HS6ST2: variants seen among roughly 807,000 people sequenced by gnomAD.
HS6ST2 encodes the protein heparan-sulfate 6-O-sulfotransferase 2.
HS6ST2 carries 17 observed loss-of-function variants against 33.0 expected under a neutral mutation model. That is an observed-to-expected ratio of 0.52 (90% CI 0.35 to 0.77). HS6ST2 has a LOEUF of 0.77. Among genes scored for constraint, HS6ST2 ranks in the 30% least tolerant of loss-of-function variants. The pLI is 0.01. For synonymous variants in HS6ST2, 248 were observed against 237.1 expected (o/e 1.05, Z -0.42); for missense variants, 519 against 551.7 (o/e 0.94, Z 0.59).
At chrX:132,862,338 C>CA (rs1251482560) in intron 2 of HS6ST2, among the ~76,000 whole-genome samples, 1 of 111,501 alleles carries the variant, frequency 9.0e-6, no homozygotes, top group Admixed American at 9.6e-5. Context: ...TGCAAATGTA[C>CA]CAGAGGTGTT....
chrX:132,790,871 G>A (rs1302694029), intron 2 of HS6ST2, among the ~76,000 whole-genome samples: 13 of 112,052 alleles, frequency 1.2e-4, no homozygotes. Context: ...GCTGGGTGTG[G>A]TGGCTCAGGC....
intron 2 of HS6ST2, among the ~76,000 whole-genome samples, chrX:132,750,118 C>T (rs2064687306): frequency 9.1e-6 from 1 of 110,489 alleles, no homozygotes; most frequent in Non-Finnish European, 1.9e-5. Context: ...CAAGAGCCAA[C>T]AGCCTCATCC....
intron 4 of HS6ST2, among the ~76,000 whole-genome samples, chrX:132,650,201 T>A (rs1159137774): frequency 9.1e-6 from 1 of 110,338 alleles, no homozygotes; most frequent in Non-Finnish European, 1.9e-5. Flanking sequence ...ATTCCGGAGG[T>A]TCAGAGGAAG....
At chrX:132,783,068 A>G (rs2065029147) in intron 2 of HS6ST2, among the ~76,000 whole-genome samples, 1 of 112,097 alleles carries the variant, frequency 8.9e-6, no homozygotes, top group African/African-American at 3.2e-5. Context: ...AACTTCAATT[A>G]TATGTCAGGT....
At chrX:132,906,976 C>T (rs1226481031) in intron 2 of HS6ST2, among the ~76,000 whole-genome samples, 1 of 111,404 alleles carries the variant, frequency 9.0e-6, no homozygotes, top group Admixed American at 9.5e-5. Flanking sequence ...AGAAGTGATT[C>T]AGAAACAGAG....
intron 2 of HS6ST2, among the ~76,000 whole-genome samples, chrX:132,829,053 T>A (rs1264425250): frequency 9.7e-6 from 1 of 103,267 alleles, no homozygotes; most frequent in Non-Finnish European, 2.0e-5. Flanking sequence ...TATAATTAAC[T>A]ACTTGTTGCT....
chrX:132,669,340 C>G (rs114281785), intron 3 of HS6ST2, 141 bp from the exon 4 acceptor site: 42,282 of 418,360 alleles, frequency 0.1, 1,981 homozygotes, highest in Non-Finnish European at 0.13. Context: ...CTCTCTCTCT[C>G]TCTCTCCTGT....
chrX:132,867,672 T>C (rs913635346), intron 2 of HS6ST2, among the ~76,000 whole-genome samples: 4 of 111,543 alleles, frequency 3.6e-5, no homozygotes, highest in Non-Finnish European at 1.9e-5. Flanking sequence ...CAGAATTTCA[T>C]ATCCAGCGAA....
At chrX:132,838,641 CAAG>C (rs1262333388) in intron 2 of HS6ST2, among the ~76,000 whole-genome samples, 1 of 111,130 alleles carries the variant, frequency 9.0e-6, no homozygotes, top group Non-Finnish European at 1.9e-5. Context: ...CAAATGAATG[CAAG>C]AAGGTTTTAT....
chrX:132,639,075 A>AT (rs759029727), intron 4 of HS6ST2, among the ~76,000 whole-genome samples: 2 of 112,226 alleles, frequency 1.8e-5, no homozygotes, highest in African/African-American at 3.2e-5. Flanking sequence ...CAAAGCAGAA[A>AT]TTTTTTTCCT....
intron 2 of HS6ST2, among the ~76,000 whole-genome samples, chrX:132,823,853 A>AAAAAAAAATAAT (rs774177926): frequency 3.2e-5 from 3 of 92,542 alleles, no homozygotes; most frequent in African/African-American, 1.2e-4. Flanking sequence ...ACTTCATAAA[A>AAAAAAAAATAAT]AATAATAATA....
chrX:132,791,941 C>T (rs1288284319), intron 2 of HS6ST2, among the ~76,000 whole-genome samples: 2 of 111,708 alleles, frequency 1.8e-5, no homozygotes, highest in African/African-American at 6.5e-5. Flanking sequence ...CATAACCGTG[C>T]CACTGCACTT....
At chrX:132,649,942 C>T (rs1283999033) in intron 4 of HS6ST2, among the ~76,000 whole-genome samples, 1 of 110,979 alleles carries the variant, frequency 9.0e-6, no homozygotes, top group Non-Finnish European at 1.9e-5. Context: ...TAAACACAAG[C>T]TGAGGCTTGC....
chrX:132,945,984 G>C (rs1248534095), intron 2 of HS6ST2, among the ~76,000 whole-genome samples: 1 of 111,316 alleles, frequency 9.0e-6, no homozygotes, highest in Admixed American at 9.5e-5. Flanking sequence ...ATGTACCCTA[G>C]CACTTAAAGT....
chrX:132,883,143 A>C (rs962977457), intron 2 of HS6ST2, among the ~76,000 whole-genome samples: 9 of 111,374 alleles, frequency 8.1e-5, no homozygotes, highest in African/African-American at 2.6e-4. Context: ...TTGGCCTCAT[A>C]AAATGAGTTA....
At chrX:132,889,822 C>T (rs1174525991) in intron 2 of HS6ST2, among the ~76,000 whole-genome samples, 5 of 111,577 alleles carry the variant, frequency 4.5e-5, no homozygotes, top group Non-Finnish European at 9.4e-5. Context: ...AATTAGCCCA[C>T]ATAGCCAAAG....
At chrX:132,786,235 C>T (rs1005649599) in intron 2 of HS6ST2, among the ~76,000 whole-genome samples, 1 of 111,942 alleles carries the variant, frequency 8.9e-6, no homozygotes, top group Admixed American at 9.5e-5. Flanking sequence ...CCCCTTTGAG[C>T]TGGATGACTA....
intron 2 of HS6ST2, among the ~76,000 whole-genome samples, chrX:132,953,313 T>A (rs1314303073): frequency 8.9e-6 from 1 of 112,096 alleles, no homozygotes; most frequent in East Asian, 2.8e-4. Context: ...TGATTTTTTT[T>A]AAAGAAATAT....
chrX:132,866,524 T>C (rs1213859788), intron 2 of HS6ST2, among the ~76,000 whole-genome samples: 3 of 83,651 alleles, frequency 3.6e-5, no homozygotes, highest in Non-Finnish European at 6.9e-5. Context: ...AGAAAGTCAT[T>C]GGTAGCTTGA....
Sources: gnomAD v4.1 joint callset for allele counts (sites outside exome capture counted in the v4.1 genomes callset) on GRCh38, gnomAD v4.1.1 for gene constraint, MANE v1.5 for transcripts, NCBI Gene and HGNC (gene_info 2026-07-23, HGNC 2026-07-21) for gene names.